Variants in SAMD5 observed in about 807,000 individuals in gnomAD.
SAMD5 encodes sterile alpha motif domain-containing protein 5.
Under a neutral mutation model 11.3 loss-of-function variants are expected in SAMD5, and 13 were observed. That is an observed-to-expected ratio of 1.15 (90% CI 0.75 to 1.83). The LOEUF (loss-of-function observed/expected upper bound fraction) is 1.83. SAMD5 is among the 40% of genes most tolerant of loss of function. SAMD5 has a pLI of 0.00. For synonymous variants in SAMD5, 129 were observed against 111.3 expected, an observed-to-expected ratio of 1.16 and a Z score of -1.00; for missense variants, 255 against 239.1, an observed-to-expected ratio of 1.07 and a Z score of -0.44.
the SAMD5 span, among the ~76,000 whole-genome samples, chr6:147,866,180 A>T: frequency 2.6e-5 from 4 of 152,196 alleles, no homozygotes; most frequent in Admixed American, 1.3e-4. Context: ...TACACCTCCA[A>T]CCAGACATAC....
At chr6:147,635,895 T>C (rs2128451805) in intron 1 of SAMD5, among the ~76,000 whole-genome samples, 1 of 152,328 alleles carries the variant, frequency 6.6e-6, no homozygotes, top group East Asian at 1.9e-4. Context: ...TTCATGAGCT[T>C]GAGAATCAGT....
chr6:147,913,541 T>G, the SAMD5 span, among the ~76,000 whole-genome samples: 1 of 151,942 alleles, frequency 6.6e-6, no homozygotes, highest in African/African-American at 2.4e-5. Flanking sequence ...ACTAAAAGTA[T>G]GAAAATGAGC....
chr6:147,738,255 G>A (rs748657489), downstream of SAMD5, among the ~76,000 whole-genome samples: 1 of 152,210 alleles, frequency 6.6e-6, no homozygotes, highest in South Asian at 2.1e-4. Context: ...TTTATCTTGA[G>A]TAATTGCCTG....
At chr6:147,938,655 T>C in the SAMD5 span, among the ~76,000 whole-genome samples, 1 of 152,246 alleles carries the variant, frequency 6.6e-6, no homozygotes, top group South Asian at 2.1e-4. Context: ...ATTTCAAGGA[T>C]GGCACTGTAT....
At chr6:147,726,411 C>T (rs1791627277) in intron 1 of SAMD5, among the ~76,000 whole-genome samples, 1 of 152,212 alleles carries the variant, frequency 6.6e-6, no homozygotes, top group South Asian at 2.1e-4. Flanking sequence ...AAGCAGTTTT[C>T]AGACTTGTAA....
intron 1 of SAMD5, among the ~76,000 whole-genome samples, chr6:147,551,205 G>C (rs1788767102): frequency 6.6e-6 from 1 of 152,182 alleles, no homozygotes; most frequent in South Asian, 2.1e-4. Flanking sequence ...AATTCTCATA[G>C]TGTCTAGGCT....
the SAMD5 span, among the ~76,000 whole-genome samples, chr6:147,790,030 A>C: frequency 6.6e-6 from 1 of 152,226 alleles, no homozygotes; most frequent in Non-Finnish European, 1.5e-5. Flanking sequence ...GTTTCTGACA[A>C]AGTGAACAGA....
chr6:147,711,286 C>T lies in SAMD5; in HGVS notation c.163-26031C>T, dbSNP rs912851561. 3.3e-5 allele frequency among the ~76,000 whole-genome samples: 5 copies of T among 152,094 alleles called. No homozygotes were observed. Among genetic ancestry groups the T allele is most frequent in the Non-Finnish European group, 7.4e-5 (5 of 68,014 alleles). On this transcript the variant is annotated intron_variant, in intron 1 of 1. Coordinates refer to the SAMD5 transcript ENST00000566741. This position sits in a 1 kb window ranked among gnomAD's most constrained non-coding sequence, Gnocchi z 4.1. Reference sequence around the variant, plus strand: ...GCCCATTGTCAGGGGTTTCACAGCTCGTAGGTTGTGGGACTGGGATTTGAA... The same window carrying T: ...GCCCATTGTCAGGGGTTTCACAGCTTGTAGGTTGTGGGACTGGGATTTGAA...
chr6:147,889,992 T>C, the SAMD5 span, among the ~76,000 whole-genome samples: 1 of 152,154 alleles, frequency 6.6e-6, no homozygotes, highest in Non-Finnish European at 1.5e-5. Context: ...AGGCTCTGCC[T>C]AGGAACCCAC....
At chr6:147,703,547 C>G (rs1283137576) in intron 1 of SAMD5, among the ~76,000 whole-genome samples, 1 of 152,154 alleles carries the variant, frequency 6.6e-6, no homozygotes, top group Non-Finnish European at 1.5e-5. Context: ...ATGGAAGACC[C>G]TGGTTTACAT....
At chr6:147,930,807 GT>G in the SAMD5 span, among the ~76,000 whole-genome samples, 1 of 152,138 alleles carries the variant, frequency 6.6e-6, no homozygotes, top group Non-Finnish European at 1.5e-5. Flanking sequence ...GAAAGAGAGT[GT>G]GAGCAAAAAA....
chr6:147,877,775 T>C, the SAMD5 span, among the ~76,000 whole-genome samples: 2 of 151,628 alleles, frequency 1.3e-5, no homozygotes, highest in Non-Finnish European at 2.9e-5. Context: ...CCTGCAGATT[T>C]TGGGCTTGTA....
intron 1 of SAMD5, among the ~76,000 whole-genome samples, chr6:147,637,807 A>C (rs1279592192): frequency 6.6e-6 from 1 of 151,960 alleles, no homozygotes; most frequent in Non-Finnish European, 1.5e-5. Context: ...GGCTGTCATC[A>C]GAGTGCTTTT....
the SAMD5 span, among the ~76,000 whole-genome samples, chr6:147,834,422 G>A: frequency 6.6e-6 from 1 of 152,174 alleles, no homozygotes; most frequent in East Asian, 1.9e-4. Context: ...AGCGAGTGTA[G>A]CCATTTGAAA....
At chr6:147,928,873 A>T in the SAMD5 span, among the ~76,000 whole-genome samples, 7 of 152,000 alleles carry the variant, frequency 4.6e-5, no homozygotes, top group Non-Finnish European at 1.0e-4. Context: ...CTTTGTTCTC[A>T]TTGGTTTCAA....
chr6:147,762,755 G>GTACTTTCACTC, the SAMD5 span, among the ~76,000 whole-genome samples: 1 of 152,058 alleles, frequency 6.6e-6, no homozygotes, highest in Non-Finnish European at 1.5e-5. Flanking sequence ...TTCCGGTTTA[G>GTACTTTCACTC]TACTTTCACT....
At chr6:147,902,564 C>G in the SAMD5 span, among the ~76,000 whole-genome samples, 1 of 152,172 alleles carries the variant, frequency 6.6e-6, no homozygotes, top group African/African-American at 2.4e-5. Flanking sequence ...TCTGCACACA[C>G]TTTGAGAAAG....
At chr6:147,848,768 A>G in the SAMD5 span, among the ~76,000 whole-genome samples, 1 of 152,204 alleles carries the variant, frequency 6.6e-6, no homozygotes, top group Non-Finnish European at 1.5e-5. Context: ...TCAACCAAAC[A>G]ATCTGCTCCA....
the SAMD5 span, among the ~76,000 whole-genome samples, chr6:147,809,036 T>C: frequency 6.6e-6 from 1 of 152,324 alleles, no homozygotes; most frequent in South Asian, 2.1e-4. Context: ...GGATTGCATG[T>C]ATAGTGAGTT....
Sources: allele counts gnomAD v4.1 joint callset (sites outside exome capture counted in the v4.1 genomes callset), GRCh38; gene constraint gnomAD v4.1.1; non-coding constraint Gnocchi (gnomAD v3.1); transcripts MANE v1.5; gene names NCBI Gene and HGNC (gene_info 2026-07-23, HGNC 2026-07-21).